Variants in VAX2 observed in about 807,000 individuals in gnomAD.
VAX2 encodes the protein ventral anterior homeobox 2.
VAX2 carries 8 observed loss-of-function variants against 12.5 expected under a neutral mutation model. The ratio of observed to expected loss-of-function variants is 0.64; its 90% CI spans 0.37 to 1.15. The LOEUF is 1.15. Ranked by LOEUF, VAX2 falls within the 50% of genes most tolerant of loss-of-function variation. The pLI, the probability that VAX2 is intolerant of heterozygous loss-of-function variation, is 0.01. For missense variants in VAX2, 476 were observed against 412.9 expected, an observed-to-expected ratio of 1.15 and a Z score of -1.32; for synonymous variants, 183 against 187.6, an observed-to-expected ratio of 0.98 and a Z score of 0.20.
intron 2 of VAX2, among the ~76,000 whole-genome samples, chr2:70,922,900 T>C (rs1679490342): frequency 6.6e-6 from 1 of 152,176 alleles, no homozygotes; most frequent in East Asian, 1.9e-4. Context: ...CCGTATTCCC[T>C]ACACTGAGCT....
At chr2:70,925,887 C>G (rs973874674) in intron 2 of VAX2, among the ~76,000 whole-genome samples, 2 of 152,186 alleles carry the variant, frequency 1.3e-5, no homozygotes, top group Non-Finnish European at 2.9e-5. Flanking sequence ...GCTTCTCTCT[C>G]TGTTTCTTCC....
chr2:70,901,015 G>C, intron 1 of VAX2, 147 bp downstream of exon 1: 1 of 951,840 alleles, frequency 1.1e-6, no homozygotes, highest in Non-Finnish European at 1.4e-6. Flanking sequence ...TATTTTGAGC[G>C]TCTATTGTGT....
intron 1 of VAX2, among the ~76,000 whole-genome samples, chr2:70,907,600 T>A (rs1396887597): frequency 6.6e-6 from 1 of 152,232 alleles, no homozygotes; most frequent in Non-Finnish European, 1.5e-5. Flanking sequence ...GCCCACCGCG[T>A]CCACCCGCGG....
chr2:70,900,951 C>T lies in VAX2; in HGVS notation c.247+83C>T, dbSNP rs1356270727. 3.3e-6 allele frequency: 4 copies of T among 1,196,572 alleles called. No homozygotes were observed. The African/African-American group carries it at 6.3e-5, about 19-fold the overall frequency. The allele number at this position is 1,196,572 out of a possible 1,614,324, so 74.1% of individuals were successfully genotyped here. On this transcript the variant is annotated intron_variant, in intron 1 of 2. Transcript: ENST00000234392. Reference sequence around the variant, plus strand: ...CCCCCGACCTAGCTGCAGCTGACACCTCTCAATTCATATATTCATTCATTC... The same window carrying T: ...CCCCCGACCTAGCTGCAGCTGACACTTCTCAATTCATATATTCATTCATTC...
Position 70,900,739 on chromosome 2 carries a change from G to A in VAX2, c.118G>A (p.Gly40Ser). The A allele has an allele frequency of 6.9e-7, 1 of 1,442,546 alleles. No individual in the cohort carries two copies. The highest frequency in any genetic ancestry group is 9.2e-7 in the Non-Finnish European group (1 of 1,092,712). 89.4% of individuals were successfully genotyped at this position (1,442,546 alleles called of 1,614,324 possible). A position where few individuals can be genotyped will look rare whatever the true frequency, so the allele number is the denominator to read the frequency against. Residue 40 changes from glycine to serine, a missense_variant, in exon 1 of 3, where the codon GGC (glycine) becomes AGC (serine). By Grantham distance (56) the Gly-to-Ser change is moderately conservative. Coordinates refer to ENST00000234392, the MANE Select transcript of VAX2 (RefSeq NM_012476.3). Reference protein sequence around the residue: ...GAGDLRADGGGHSPTEVAGTS... With the variant: ...GAGDLRADGGSHSPTEVAGTS... ...GGGGGACTTGCGAGCTGATGGCGGT[G>A]GCCACAGCCCAACGGAGGTGGCCGG...
rs78057185 is a variant in VAX2 at position 70,920,699 on chromosome 2, C to T, written c.248-399C>T. On this transcript the variant is annotated intron_variant, in intron 1 of 2. Transcript: ENST00000234392. The stretch of plus-strand genomic sequence containing the variant: ...GCTTAGGACCTGGCTCTGACCTCTC[C>T]AGTAAGCCTTACCTGATTGATCACA... Among the ~76,000 whole-genome samples, 217 of 152,030 alleles carry T rather than the reference C, an allele frequency of 1.4e-3. 3 individuals carry two copies. In the East Asian group the frequency reaches 0.038, roughly 27 times the overall value.
intron 2 of VAX2, among the ~76,000 whole-genome samples, chr2:70,922,424 C>T (rs888987851): frequency 2.6e-5 from 4 of 152,190 alleles, no homozygotes; most frequent in Admixed American, 2.0e-4. Context: ...TGTGTCCCTG[C>T]CTCAGTGAGG....
At chr2:70,901,502 G>T (rs544277418) in intron 1 of VAX2, among the ~76,000 whole-genome samples, 4 of 152,228 alleles carry the variant, frequency 2.6e-5, no homozygotes, top group Non-Finnish European at 4.4e-5. Context: ...CCTTCCCGCG[G>T]CCTGGCCTTT....
At chr2:70,909,800 TC>T (rs1275805930) in intron 1 of VAX2, among the ~76,000 whole-genome samples, 1 of 152,194 alleles carries the variant, frequency 6.6e-6, no homozygotes, top group African/African-American at 2.4e-5. Context: ...TAACTAGTCC[TC>T]TATTAATGGA....
intron 1 of VAX2, among the ~76,000 whole-genome samples, chr2:70,910,349 T>C (rs958722111): frequency 1.4e-4 from 22 of 152,296 alleles, no homozygotes; most frequent in African/African-American, 4.3e-4. Context: ...ATACATGGTA[T>C]GAATATAATT....
intron 2 of VAX2, among the ~76,000 whole-genome samples, chr2:70,923,852 G>T (rs782238738): frequency 6.6e-6 from 1 of 152,192 alleles, no homozygotes; most frequent in African/African-American, 2.4e-5. Context: ...ATCCAGGCCG[G>T]CCTGGCACAG....
chr2:70,900,685 G>A lies in VAX2; in HGVS notation c.64G>A (p.Gly22Ser), dbSNP rs1553409582. Reference sequence around the variant, plus strand: ...GCGCCGGGCGGAGTCTGGTGGCGGCGGTGGGCGCTGCGGAGACCGCAGCGG... The same window carrying A: ...GCGCCGGGCGGAGTCTGGTGGCGGCAGTGGGCGCTGCGGAGACCGCAGCGG... ...PARRAESGGG[G>S]GRCGDRSGAG... The change falls in exon 1 of 3, where the codon GGT (glycine) becomes AGT (serine). Residue 22 changes from glycine (G) to serine (S), a missense_variant. Gly to Ser is a moderately conservative substitution (Grantham distance 56). Transcript: ENST00000234392. 21 of 1,299,046 alleles carry A rather than the reference G, an allele frequency of 1.6e-5. No homozygotes were observed. The South Asian group carries it at 4.3e-4, about 27-fold the overall frequency. The allele number at this position is 1,299,046 out of a possible 1,614,324, so 80.5% of individuals were successfully genotyped here. A position where few individuals can be genotyped will look rare whatever the true frequency, so the allele number is the denominator to read the frequency against.
chr2:70,915,012 G>C (rs1679277794), intron 1 of VAX2, among the ~76,000 whole-genome samples: 1 of 152,046 alleles, frequency 6.6e-6, no homozygotes, highest in African/African-American at 2.4e-5. Context: ...TGTTGCCCAG[G>C]CTGGTCTCCA....
At chr2:70,917,992 A>G (rs1232142063) in intron 1 of VAX2, among the ~76,000 whole-genome samples, 1 of 152,230 alleles carries the variant, frequency 6.6e-6, no homozygotes, top group Non-Finnish European at 1.5e-5. Context: ...ACAATTGGAA[A>G]TTATGGAACC....
At chr2:70,901,963 C>G (rs1290123493) in intron 1 of VAX2, among the ~76,000 whole-genome samples, 1 of 152,244 alleles carries the variant, frequency 6.6e-6, no homozygotes, top group East Asian at 1.9e-4. Flanking sequence ...AGCCTCTTCA[C>G]ACGCGCCGCT....
intron 1 of VAX2, among the ~76,000 whole-genome samples, chr2:70,916,560 C>A (rs961872800): frequency 4.6e-5 from 7 of 152,198 alleles, no homozygotes; most frequent in African/African-American, 1.7e-4. Flanking sequence ...ATCCTGGCAA[C>A]CACTGATCTG....
At chr2:70,905,120 C>T (rs562659516) in intron 1 of VAX2, among the ~76,000 whole-genome samples, 4 of 151,996 alleles carry the variant, frequency 2.6e-5, no homozygotes, top group Non-Finnish European at 4.4e-5. Flanking sequence ...GGAGATCGGC[C>T]GGGCCGCAGG....
At chr2:70,909,182 T>G (rs1572888432) in intron 1 of VAX2, among the ~76,000 whole-genome samples, 1 of 152,226 alleles carries the variant, frequency 6.6e-6, no homozygotes, top group Admixed American at 6.5e-5. Context: ...ATTTATTTTT[T>G]AGAGACAAGG....
At chr2:70,911,920 T>G (rs1206810789) in intron 1 of VAX2, among the ~76,000 whole-genome samples, 1 of 152,258 alleles carries the variant, frequency 6.6e-6, no homozygotes, top group African/African-American at 2.4e-5. Flanking sequence ...TTATTTTCCT[T>G]TCTAGAAAGT....
Sources: gnomAD v4.1 joint callset for allele counts (sites outside exome capture counted in the v4.1 genomes callset) on GRCh38, gnomAD v4.1.1 for gene constraint, MANE v1.5 for transcripts, NCBI Gene and HGNC (gene_info 2026-07-23, HGNC 2026-07-21) for gene names.